Variants in MYO3B observed in about 807,000 individuals in gnomAD.
The protein encoded by MYO3B is myosin-IIIb.
MYO3B carries 156 observed loss-of-function variants against 174.6 expected under a neutral mutation model. The ratio of observed to expected loss-of-function variants is 0.89; its 90% CI spans 0.78 to 1.02. The LOEUF (loss-of-function observed/expected upper bound fraction) is 1.02. Ranked by LOEUF, MYO3B falls within the 50% of genes least tolerant of loss-of-function variation. MYO3B has a pLI of 0.00. For synonymous variants in MYO3B, 563 were observed against 569.1 expected, an observed-to-expected ratio of 0.99 and a Z score of 0.15; for missense variants, 1,632 against 1,639.4, an observed-to-expected ratio of 1.00 and a Z score of 0.08.
chr2:170,291,235 A>C (rs920286312), intron 7 of MYO3B, among the ~76,000 whole-genome samples: 2 of 152,130 alleles, frequency 1.3e-5, no homozygotes, highest in East Asian at 1.9e-4. Context: ...GGCCAACAAC[A>C]GTGAGACTCC....
intron 32 of MYO3B, among the ~76,000 whole-genome samples, chr2:170,635,269 A>T (rs1697362403): frequency 6.6e-6 from 1 of 152,252 alleles, no homozygotes; most frequent in Admixed American, 6.5e-5. Context: ...ACACCATGGA[A>T]TACTATGCAG....
chr2:170,549,781 T>C (rs1286480751), intron 32 of MYO3B, among the ~76,000 whole-genome samples: 1 of 152,202 alleles, frequency 6.6e-6, no homozygotes, highest in Non-Finnish European at 1.5e-5. Flanking sequence ...GAGTTTGATT[T>C]AGGCAAGATC....
intron 9 of MYO3B, among the ~76,000 whole-genome samples, chr2:170,381,129 C>T (rs570967745): frequency 6.6e-6 from 1 of 151,816 alleles, no homozygotes; most frequent in South Asian, 2.1e-4. Flanking sequence ...CTAAAAATTA[C>T]TAAATAAATA....
intron 21 of MYO3B, among the ~76,000 whole-genome samples, chr2:170,407,196 T>TA (rs948113696): frequency 2.6e-5 from 4 of 152,212 alleles, no homozygotes; most frequent in Admixed American, 2.0e-4. Flanking sequence ...GTGCGGTGGC[T>TA]AACACCTGTA....
intron 32 of MYO3B, among the ~76,000 whole-genome samples, chr2:170,635,807 G>T (rs1184845073): frequency 6.6e-6 from 1 of 152,090 alleles, no homozygotes; most frequent in South Asian, 2.1e-4. Context: ...ATATCCAAAG[G>T]TCTAAAAAAG....
At chr2:170,527,865 G>A (rs767303167) in intron 30 of MYO3B, among the ~76,000 whole-genome samples, 2 of 152,124 alleles carry the variant, frequency 1.3e-5, no homozygotes, top group Non-Finnish European at 2.9e-5. Context: ...TAAACTTTAG[G>A]GCTGAAACTG....
In MYO3B at chr2:170,639,888, G is replaced by C. The variant is rs1697831244; in HGVS notation, c.3734-11740G>C. The stretch of plus-strand genomic sequence containing the variant: ...GAGAAATGATTTTCCCAGTGTCCAG[G>C]GAAATAAGGAGCCCTTATGTCTACT... On this transcript the variant is annotated intron_variant, in intron 32 of 34. Coordinates refer to ENST00000408978, the MANE Select transcript of MYO3B (RefSeq NM_138995.5). 2.0e-5 allele frequency among the ~76,000 whole-genome samples: 3 copies of C among 152,084 alleles called. No individual in the cohort carries two copies. In the South Asian group the frequency reaches 6.2e-4, roughly 32 times the overall value.
chr2:170,310,684 A>AAAAAAAAAC (rs1324373054), intron 7 of MYO3B, among the ~76,000 whole-genome samples: 1 of 151,474 alleles, frequency 6.6e-6, no homozygotes, highest in Non-Finnish European at 1.5e-5. Context: ...AAAAAAAAAA[A>AAAAAAAAAC]AAAGAAATAC....
At chr2:170,224,327 G>A (rs924113491) in intron 6 of MYO3B, among the ~76,000 whole-genome samples, 4 of 152,324 alleles carry the variant, frequency 2.6e-5, no homozygotes, top group Non-Finnish European at 4.4e-5. Flanking sequence ...AAATATTGAA[G>A]CTGTTTGGCT....
At chr2:170,570,998 A>G (rs1692405753) in intron 32 of MYO3B, among the ~76,000 whole-genome samples, 1 of 152,194 alleles carries the variant, frequency 6.6e-6, no homozygotes, top group Non-Finnish European at 1.5e-5. Context: ...TTGCTGAAGT[A>G]GGATTACCTC....
At chr2:170,479,933 T>C (rs1685575706) in intron 25 of MYO3B, among the ~76,000 whole-genome samples, 1 of 148,662 alleles carries the variant, frequency 6.7e-6, no homozygotes, top group Non-Finnish European at 1.5e-5. Context: ...TGTGTATATA[T>C]ATTAAACCTA....
intron 32 of MYO3B, among the ~76,000 whole-genome samples, chr2:170,544,473 T>G (rs1214795631): frequency 2.0e-5 from 3 of 152,196 alleles, no homozygotes; most frequent in Non-Finnish European, 4.4e-5. Context: ...AAAAGTCAGT[T>G]TCAGGTTTGC....
chr2:170,528,672 C>T (rs907461568), intron 30 of MYO3B, among the ~76,000 whole-genome samples: 1 of 152,186 alleles, frequency 6.6e-6, no homozygotes, highest in Non-Finnish European at 1.5e-5. Flanking sequence ...TCCCAAAGTG[C>T]TGAGATTGCA....
chr2:170,551,046 G>A (rs1423098816), intron 32 of MYO3B, among the ~76,000 whole-genome samples: 1 of 151,842 alleles, frequency 6.6e-6, no homozygotes, highest in East Asian at 1.9e-4. Flanking sequence ...TTACAGGCCT[G>A]AGCCACCACA....
intron 32 of MYO3B, among the ~76,000 whole-genome samples, chr2:170,589,191 T>G (rs1226811589): frequency 6.6e-6 from 1 of 152,166 alleles, no homozygotes; most frequent in Non-Finnish European, 1.5e-5. Context: ...CCTTAAAAAG[T>G]TTGATATCAT....
At chr2:170,498,148 G>A (rs965444435) in intron 25 of MYO3B, among the ~76,000 whole-genome samples, 2 of 152,098 alleles carry the variant, frequency 1.3e-5, no homozygotes, top group Non-Finnish European at 2.9e-5. Flanking sequence ...AGTAGTGTTA[G>A]GCTGTGATCA....
intron 3 of MYO3B, among the ~76,000 whole-genome samples, chr2:170,213,188 C>G (rs552733275): frequency 6.6e-6 from 1 of 152,080 alleles, no homozygotes; most frequent in Non-Finnish European, 1.5e-5. Context: ...CAGGACAAGC[C>G]GCAGACAAAA....
At chr2:170,405,833 T>G (rs1282669051) in intron 21 of MYO3B, among the ~76,000 whole-genome samples, 200 bp downstream of exon 21, 4 of 152,250 alleles carry the variant, frequency 2.6e-5, no homozygotes, top group Non-Finnish European at 5.9e-5. Context: ...AATTTCTCAC[T>G]GGGGTGGCCC....
intron 32 of MYO3B, among the ~76,000 whole-genome samples, chr2:170,555,926 T>A (rs1476453289): frequency 6.6e-6 from 1 of 152,044 alleles, no homozygotes; most frequent in Non-Finnish European, 1.5e-5. Flanking sequence ...CTGGGTGTGG[T>A]GGCTCATGCT....
Sources: allele counts gnomAD v4.1 joint callset (sites outside exome capture counted in the v4.1 genomes callset), GRCh38; gene constraint gnomAD v4.1.1; transcripts MANE v1.5; gene names NCBI Gene and HGNC (gene_info 2026-07-23, HGNC 2026-07-21).